Variants in NCAM2 observed in about 807,000 individuals in gnomAD.
NCAM2 encodes the protein neural cell adhesion molecule 2, also known as N-CAM-2.
A neutral mutation model predicts 98.1 loss-of-function variants in NCAM2; 30 were observed. The observed-to-expected ratio is 0.31, with a 90% confidence interval of 0.23 to 0.41. The LOEUF is 0.41. Among genes scored for constraint, NCAM2 ranks in the 10% least tolerant of loss-of-function variants. The pLI, the probability that NCAM2 is intolerant of heterozygous loss-of-function variation, is 1.00. For missense variants in NCAM2, 867 were observed against 1,005.8 expected, an observed-to-expected ratio of 0.86 and a Z score of 1.87; for synonymous variants, 368 against 342.4, an observed-to-expected ratio of 1.07 and a Z score of -0.83.
At chr21:21,068,451 G>T (rs567714295) in intron 1 of NCAM2, among the ~76,000 whole-genome samples, 4 of 142,520 alleles carry the variant, frequency 2.8e-5, no homozygotes, top group South Asian at 2.2e-4. Context: ...GGTAGTCATG[G>T]TATTGCATTT....
At chr21:21,302,055 G>A (rs1338174107) in intron 5 of NCAM2, among the ~76,000 whole-genome samples, 3 of 147,618 alleles carry the variant, frequency 2.0e-5, no homozygotes, top group South Asian at 2.3e-4. Flanking sequence ...TCAGTGTGGC[G>A]ATTCCTCAGG....
intron 1 of NCAM2, among the ~76,000 whole-genome samples, chr21:21,076,174 G>A (rs2065678407): frequency 6.6e-6 from 1 of 151,108 alleles, no homozygotes. Flanking sequence ...TTCAATAAAA[G>A]TATAATTTAT....
intron 6 of NCAM2, among the ~76,000 whole-genome samples, chr21:21,326,924 A>C (rs1487894157): frequency 6.6e-6 from 1 of 152,176 alleles, no homozygotes; most frequent in Non-Finnish European, 1.5e-5. Context: ...TGAAAGTATC[A>C]GGAAATGTAG....
intron 8 of NCAM2, among the ~76,000 whole-genome samples, chr21:21,359,145 T>C (rs950130384): frequency 7.9e-5 from 12 of 152,012 alleles, no homozygotes; most frequent in Non-Finnish European, 1.8e-4. Context: ...TAATGGACTT[T>C]TCTGAAGGAT....
chr21:21,270,252 G>A (rs746736113), intron 1 of NCAM2, among the ~76,000 whole-genome samples: 35 of 152,086 alleles, frequency 2.3e-4, no homozygotes, highest in Non-Finnish European at 2.9e-4. Flanking sequence ...AGATATTTTA[G>A]TTTTAATTAA....
Position 21,338,482 on chromosome 21 carries a change from A to C in NCAM2, c.992A>C (p.Glu331Ala), listed in dbSNP as rs201849934. The C allele has an allele frequency of 1.2e-6, 2 of 1,612,850 alleles. No individual in the cohort carries two copies. The highest frequency in any genetic ancestry group is 1.7e-6 in the Non-Finnish European group (2 of 1,179,386). ...GATGCGGAAGGGGAGCCTATTCCAG[A>C]AATCACTTGGAAAAGAGCTGTGGAT... ...VCDAEGEPIP[E>A]ITWKRAVDGF... is the part of the protein sequence containing the mutation. The change falls in exon 8 of 18, where the codon GAA becomes GCA. Residue 331 changes from glutamate (E) to alanine (A), a missense_variant. Glu to Ala is a moderately radical substitution (Grantham distance 107). Coordinates refer to ENST00000400546, the MANE Select transcript of NCAM2 (RefSeq NM_004540.5).
At chr21:21,373,668 C>T (rs2075969629) in intron 8 of NCAM2, among the ~76,000 whole-genome samples, 195 bp from the exon 9 acceptor site, 1 of 151,514 alleles carries the variant, frequency 6.6e-6, no homozygotes, top group South Asian at 2.1e-4. Context: ...CTTCATGAAG[C>T]TATGAGAATG....
chr21:21,214,303 T>C (rs115437852), intron 1 of NCAM2, among the ~76,000 whole-genome samples: 314 of 152,296 alleles, frequency 2.1e-3, no homozygotes, highest in African/African-American at 7.3e-3. Context: ...TCTGCATTCT[T>C]TAGTAATGTC....
At position 21,493,859 on chromosome 21, in the gene NCAM2, G is replaced by T. The variant is rs572666719; in HGVS notation, c.2078-14992G>T. On this transcript the variant is annotated intron_variant, in intron 15 of 17. Transcript: ENST00000400546. ...TTTCAATTAGCAACATGCATTCAAG[G>T]TTTCTACGTGTCTTTTTATAATTTG... 4.6e-3 allele frequency among the ~76,000 whole-genome samples: 694 copies of T among 151,906 alleles called. 3 individuals carry two copies. The highest frequency in any genetic ancestry group is 0.016 in the African/African-American group (666 of 41,468).
At chr21:21,374,652 G>T (rs2075992237) in intron 9 of NCAM2, among the ~76,000 whole-genome samples, 2 of 151,634 alleles carry the variant, frequency 1.3e-5, no homozygotes, top group South Asian at 2.1e-4. Flanking sequence ...AAAATAATTT[G>T]GTATACATGC....
intron 1 of NCAM2, among the ~76,000 whole-genome samples, chr21:21,091,759 A>G (rs933758801): frequency 2.0e-5 from 3 of 152,242 alleles, no homozygotes; most frequent in Non-Finnish European, 4.4e-5. Flanking sequence ...ACCTGAAACC[A>G]AAATAGAGCA....
At chr21:21,192,772 T>G in intron 1 of NCAM2, among the ~76,000 whole-genome samples, 1 of 152,022 alleles carries the variant, frequency 6.6e-6, no homozygotes, top group Non-Finnish European at 1.5e-5. Flanking sequence ...GGTTCTAGCA[T>G]GGGAAGAGGT....
intron 1 of NCAM2, among the ~76,000 whole-genome samples, chr21:21,119,065 A>G (rs573015575): frequency 2.6e-5 from 4 of 152,172 alleles, no homozygotes; most frequent in African/African-American, 9.6e-5. Flanking sequence ...TTTTGATCAT[A>G]CTGTGCATTA....
intron 5 of NCAM2, among the ~76,000 whole-genome samples, chr21:21,293,919 A>T (rs539978977): frequency 6.6e-6 from 1 of 151,716 alleles, no homozygotes; most frequent in East Asian, 1.9e-4. Context: ...TTAAGTTTAT[A>T]GGAAACAGTA....
intron 7 of NCAM2, 87 bp downstream of exon 7, chr21:21,335,752 A>G: frequency 9.3e-7 from 1 of 1,077,762 alleles, no homozygotes. Context: ...AACTATTTAA[A>G]CTTTCCATAT....
intron 1 of NCAM2, among the ~76,000 whole-genome samples, chr21:21,203,048 C>A (rs1455736134): frequency 6.6e-6 from 1 of 152,062 alleles, no homozygotes; most frequent in African/African-American, 2.4e-5. Flanking sequence ...TCCAAGAGCA[C>A]CAACTTTAAT....
chr21:21,356,863 G>T (rs1454236911), intron 8 of NCAM2, among the ~76,000 whole-genome samples: 1 of 152,060 alleles, frequency 6.6e-6, no homozygotes, highest in Non-Finnish European at 1.5e-5. Context: ...GGTGGCACAT[G>T]CCTGTAATCC....
At chr21:21,134,227 C>T (rs546202281) in intron 1 of NCAM2, among the ~76,000 whole-genome samples, 1 of 152,122 alleles carries the variant, frequency 6.6e-6, no homozygotes, top group East Asian at 1.9e-4. Context: ...CGCCACCATG[C>T]CTGGCTAATT....
chr21:21,006,066 G>T (rs1222985365), intron 1 of NCAM2, among the ~76,000 whole-genome samples: 1 of 152,080 alleles, frequency 6.6e-6, no homozygotes, highest in Non-Finnish European at 1.5e-5. Context: ...CCTTCTTTAG[G>T]CTGACGCTCA....
Sources: gnomAD v4.1 joint callset for allele counts (sites outside exome capture counted in the v4.1 genomes callset) on GRCh38, gnomAD v4.1.1 for gene constraint, MANE v1.5 for transcripts, NCBI Gene and HGNC (gene_info 2026-07-23, HGNC 2026-07-21) for gene names.